Variants in SP140L observed in about 807,000 individuals in gnomAD.
The protein encoded by SP140L is nuclear body protein SP140-like protein.
A neutral mutation model predicts 84.3 loss-of-function variants in SP140L; 64 were observed. The observed-to-expected ratio is 0.76, with a 90% CI of 0.62 to 0.94. The LOEUF is 0.94. SP140L is among the 40% of genes least tolerant of loss of function. SP140L has a pLI of 0.00. For synonymous variants in SP140L, 242 were observed against 236.9 expected (o/e 1.02, Z -0.20); for missense variants, 628 against 692.5 (o/e 0.91, Z 1.05).
chr2:230,381,541 T>C (rs1160951922), intron 7 of SP140L, among the ~76,000 whole-genome samples: 1 of 152,212 alleles, frequency 6.6e-6, no homozygotes. Flanking sequence ...CAGATATATT[T>C]GATTTGTTAA....
At chr2:230,385,349 TGCAC>T (rs762482153) in intron 9 of SP140L, 45 bp downstream of exon 9, 4 of 1,579,866 alleles carry the variant, frequency 2.5e-6, no homozygotes, top group Middle Eastern at 1.7e-4. Context: ...TGCAGGTCAA[TGCAC>T]ATGTTGAGGT....
At chr2:230,354,934 AAAAGAAAAAG>A (rs1485804183) in intron 2 of SP140L, among the ~76,000 whole-genome samples, 11 of 151,772 alleles carry the variant, frequency 7.2e-5, no homozygotes, top group African/African-American at 2.7e-4. Context: ...AGAAAAAAGA[AAAAGAAAAAG>A]AAAGAAAGAG....
chr2:230,366,424 A>G lies in SP140L; in HGVS notation c.524-4484A>G, dbSNP rs924864309. Among the ~76,000 whole-genome samples, 9 of 152,038 alleles carry G rather than the reference A, an allele frequency of 5.9e-5. No homozygotes were observed. The South Asian group carries it at 1.2e-3, about 21-fold the overall frequency. On this transcript the variant is annotated intron_variant, in intron 5 of 18. Coordinates refer to ENST00000415673, the MANE Select transcript of SP140L (RefSeq NM_138402.6). The stretch of plus-strand genomic sequence containing the variant: ...TCAATTTGAATTTATCTCATCTGAT[A>G]TAAGTATAGCTACTCCTTCCTTCTT...
intron 5 of SP140L, among the ~76,000 whole-genome samples, chr2:230,365,958 C>A (rs894749884): frequency 1.3e-5 from 2 of 152,022 alleles, no homozygotes; most frequent in Non-Finnish European, 2.9e-5. Context: ...TTATTGATTT[C>A]TACTTTTATA....
chr2:230,379,587 T>C (rs1338037913), intron 7 of SP140L, among the ~76,000 whole-genome samples: 1 of 152,186 alleles, frequency 6.6e-6, no homozygotes, highest in Non-Finnish European at 1.5e-5. Flanking sequence ...CCATTGTTCT[T>C]TTTCTTTGGT....
chr2:230,360,390 A>G (rs1303742926), intron 4 of SP140L, among the ~76,000 whole-genome samples: 1 of 152,238 alleles, frequency 6.6e-6, no homozygotes, highest in African/African-American at 2.4e-5. Context: ...TAAACAAGGA[A>G]AAAAGTTTAG....
At chr2:230,371,479 G>C in intron 6 of SP140L, 119 bp from the exon 7 acceptor site, 1 of 961,470 alleles carries the variant, frequency 1.0e-6, no homozygotes, top group Non-Finnish European at 1.5e-6. Flanking sequence ...AGAAGAAAGA[G>C]AGAAATGAGT....
intron 18 of SP140L, 121 bp downstream of exon 18, chr2:230,401,928 G>A (rs1328254285): frequency 1.1e-6 from 1 of 884,188 alleles, no homozygotes; most frequent in Non-Finnish European, 1.8e-6. Flanking sequence ...GGTTCTGGAA[G>A]TGATTGATTG....
At chr2:230,382,475 C>T (rs891299972) in intron 7 of SP140L, among the ~76,000 whole-genome samples, 15 of 152,154 alleles carry the variant, frequency 9.9e-5, no homozygotes, top group African/African-American at 3.6e-4. Flanking sequence ...TCTGTCTGTA[C>T]CATTCTGGTG....
At chr2:230,333,291 T>C (rs1436910760) in intron 2 of SP140L, among the ~76,000 whole-genome samples, 1 of 152,048 alleles carries the variant, frequency 6.6e-6, no homozygotes, top group Non-Finnish European at 1.5e-5. Context: ...CCCGAGTAGC[T>C]GGGACTACAG....
chr2:230,356,128 G>C (rs374378309), intron 2 of SP140L, among the ~76,000 whole-genome samples: 5 of 152,086 alleles, frequency 3.3e-5, no homozygotes, highest in African/African-American at 1.2e-4. Flanking sequence ...CTATCACATC[G>C]TACACACTGG....
Position 230,385,297 on chromosome 2 carries a change from G to T in SP140L, c.777G>T (p.Lys259Asn), listed in dbSNP as rs746048347. Residue 259 changes from lysine to asparagine, a missense_variant, in exon 9 of 19, where the codon AAG becomes AAT. Physicochemically the swap from Lys to Asn is moderately conservative, Grantham distance 94. Coordinates refer to ENST00000415673, the MANE Select transcript of SP140L (RefSeq NM_138402.6). ...KANMNLKDLSKIRGRKRGKPG... is the reference protein window; with the variant it reads ...KANMNLKDLSNIRGRKRGKPG... The stretch of plus-strand genomic sequence containing the variant: ...ACATGAATCTGAAAGACCTTTCCAA[G>T]ATTAGGGGTAAGATAAAGTTGGTAC... 1 of 1,613,606 alleles carries T rather than the reference G, an allele frequency of 6.2e-7. No individual in the cohort carries two copies.
chr2:230,335,481 C>G (rs1162258171), intron 2 of SP140L, among the ~76,000 whole-genome samples: 1 of 152,218 alleles, frequency 6.6e-6, no homozygotes, highest in African/African-American at 2.4e-5. Flanking sequence ...TTTAAAATTT[C>G]TCAGTGGAAC....
chr2:230,388,614 G>A lies in SP140L; in HGVS notation c.840G>A (p.Gln280=). Residue 280 remains glutamine (Q), a synonymous_variant, in exon 10 of 19, where the codon CAG becomes CAA. Coordinates refer to ENST00000415673, the MANE Select transcript of SP140L (RefSeq NM_138402.6). ...THFTQSDRAP[Q]KRVRSRASRK... Reference sequence around the variant, plus strand: ...TTACTCAGAGTGACAGAGCTCCACAGAAAAGAGTCCGATCAAGAGGTAAAA... The same window carrying A: ...TTACTCAGAGTGACAGAGCTCCACAAAAAAGAGTCCGATCAAGAGGTAAAA... The A allele has an allele frequency of 1.2e-6, 2 of 1,609,584 alleles. No individual in the cohort carries two copies. The highest frequency in any genetic ancestry group is 2.2e-5 in the South Asian group (2 of 89,932).
chr2:230,327,950 A>G (rs1451172669), intron 1 of SP140L, among the ~76,000 whole-genome samples: 3 of 152,216 alleles, frequency 2.0e-5, no homozygotes, highest in African/African-American at 4.8e-5. Flanking sequence ...TTTTATTTTT[A>G]CTTCAATTTC....
At chr2:230,383,958 G>A (rs532263605) in intron 8 of SP140L, among the ~76,000 whole-genome samples, 68 of 152,106 alleles carry the variant, frequency 4.5e-4, no homozygotes, top group African/African-American at 1.4e-3. Context: ...CATATTTTAT[G>A]TGAAATATTT....
At chr2:230,363,220 T>C (rs896971530) in intron 5 of SP140L, among the ~76,000 whole-genome samples, 4 of 152,234 alleles carry the variant, frequency 2.6e-5, no homozygotes, top group African/African-American at 9.6e-5. Flanking sequence ...GTTCTATTTT[T>C]ACTTTTTTTG....
chr2:230,369,993 T>C lies in SP140L; in HGVS notation c.524-915T>C, dbSNP rs575535219. 8.9e-4 allele frequency among the ~76,000 whole-genome samples: 132 copies of C among 148,058 alleles called. 1 individual carries two copies. The highest frequency in any genetic ancestry group is 1.6e-3 in the Non-Finnish European group (108 of 67,984). On this transcript the variant is annotated intron_variant, in intron 5 of 18. Coordinates refer to ENST00000415673, the MANE Select transcript of SP140L (RefSeq NM_138402.6). ...TTCACCCTGTTGGCCAGGCTGGTCT[T>C]GAATTCCTGACTTAGTGATTTGCCC...
At chr2:230,327,682 C>T (rs936683433) in intron 1 of SP140L, among the ~76,000 whole-genome samples, 1 of 152,172 alleles carries the variant, frequency 6.6e-6, no homozygotes, top group Non-Finnish European at 1.5e-5. Context: ...ATCTCCCAAC[C>T]CTTTCACATC....
Sources: gnomAD v4.1 joint callset for allele counts (sites outside exome capture counted in the v4.1 genomes callset) on GRCh38, gnomAD v4.1.1 for gene constraint, MANE v1.5 for transcripts, NCBI Gene and HGNC (gene_info 2026-07-23, HGNC 2026-07-21) for gene names.